Variants in NEGR1 observed in about 807,000 individuals in gnomAD.
The protein encoded by NEGR1 is neuronal growth regulator 1.
Under a neutral mutation model 40.9 loss-of-function variants are expected in NEGR1, and 10 were observed. The ratio of observed to expected loss-of-function variants is 0.24; its 90% CI spans 0.15 to 0.42. The LOEUF (loss-of-function observed/expected upper bound fraction) is 0.42, where lower values mean the gene tolerates loss of function less well. Ranked by LOEUF, NEGR1 falls within the 10% of genes least tolerant of loss-of-function variation. The pLI is 1.00. For synonymous variants in NEGR1, 185 were observed against 166.8 expected (o/e 1.11, Z -0.84); for missense variants, 352 against 438.9 (o/e 0.80, Z 1.77).
intron 1 of NEGR1, among the ~76,000 whole-genome samples, chr1:71,975,647 A>C (rs1300682054): frequency 6.6e-6 from 1 of 152,212 alleles, no homozygotes; most frequent in Non-Finnish European, 1.5e-5. Context: ...CATAATCTGT[A>C]GAGTAAAAAA....
chr1:71,849,364 G>C (rs556123840), intron 2 of NEGR1, among the ~76,000 whole-genome samples: 2 of 152,220 alleles, frequency 1.3e-5, no homozygotes, highest in South Asian at 2.1e-4. Flanking sequence ...AATTGTAAAA[G>C]TACTGGAATT....
intron 1 of NEGR1, among the ~76,000 whole-genome samples, chr1:72,014,764 T>C (rs999092276): frequency 5.3e-5 from 8 of 152,054 alleles, no homozygotes; most frequent in African/African-American, 1.9e-4. Flanking sequence ...TTAAAGGTGG[T>C]TCTTCATTTA....
chr1:71,641,348 C>A (rs2101573597), intron 4 of NEGR1, among the ~76,000 whole-genome samples: 1 of 152,136 alleles, frequency 6.6e-6, no homozygotes, highest in Non-Finnish European at 1.5e-5. Flanking sequence ...AGGTACAGTT[C>A]TATGAACCAC....
At chr1:71,949,204 T>C (rs1408248193) in intron 1 of NEGR1, among the ~76,000 whole-genome samples, 1 of 152,158 alleles carries the variant, frequency 6.6e-6, no homozygotes, top group Non-Finnish European at 1.5e-5. Flanking sequence ...TTTTGTGAGA[T>C]GGACTGAAAT....
At chr1:71,459,239 C>T (rs961531681) in intron 6 of NEGR1, among the ~76,000 whole-genome samples, 11 of 152,104 alleles carry the variant, frequency 7.2e-5, no homozygotes, top group African/African-American at 2.7e-4. Flanking sequence ...AAGATTTTCT[C>T]TTCCATAAAG....
At chr1:71,411,440 T>A (rs536750828) in intron 6 of NEGR1, among the ~76,000 whole-genome samples, 3 of 152,178 alleles carry the variant, frequency 2.0e-5, no homozygotes, top group Non-Finnish European at 4.4e-5. Context: ...CTGAATTACT[T>A]AGAAGATATC....
chr1:72,256,546 C>T (rs768061879), intron 1 of NEGR1, among the ~76,000 whole-genome samples: 1 of 152,156 alleles, frequency 6.6e-6, no homozygotes, highest in Non-Finnish European at 1.5e-5. Context: ...TCACCCTAAC[C>T]ATGTAAGTTC....
chr1:72,213,435 T>TA (rs1264906623), intron 1 of NEGR1, among the ~76,000 whole-genome samples: 11 of 151,946 alleles, frequency 7.2e-5, no homozygotes, highest in Non-Finnish European at 1.0e-4. Flanking sequence ...AAATCTTCAA[T>TA]AAAAAGTTTC....
intron 2 of NEGR1, among the ~76,000 whole-genome samples, chr1:71,833,556 T>A (rs1309974770): frequency 6.6e-6 from 1 of 152,040 alleles, no homozygotes; most frequent in Non-Finnish European, 1.5e-5. Flanking sequence ...ACAAAACAAA[T>A]GACAAATGCA....
chr1:71,833,500 G>C (rs1407272740), intron 2 of NEGR1, among the ~76,000 whole-genome samples: 1 of 152,072 alleles, frequency 6.6e-6, no homozygotes, highest in Non-Finnish European at 1.5e-5. Flanking sequence ...GGGGAAAAAA[G>C]TATTTTTATG....
intron 6 of NEGR1, among the ~76,000 whole-genome samples, chr1:71,416,290 C>G (rs1246075052): frequency 6.6e-6 from 1 of 152,082 alleles, no homozygotes; most frequent in Non-Finnish European, 1.5e-5. Context: ...GTTTCATGAT[C>G]AGGTTTTCTT....
chr1:71,932,288 T>C (rs559583273), intron 2 of NEGR1, among the ~76,000 whole-genome samples: 2 of 151,950 alleles, frequency 1.3e-5, no homozygotes, highest in Non-Finnish European at 2.9e-5. Flanking sequence ...GTTATTTTTT[T>C]ATTTGTTTTG....
chr1:71,669,700 G>C (rs1461616287), intron 4 of NEGR1, among the ~76,000 whole-genome samples: 1 of 152,080 alleles, frequency 6.6e-6, no homozygotes. Context: ...TCCCAGGCTG[G>C]AGTGCAGTGG....
chr1:71,761,803 G>T (rs1655952191), intron 3 of NEGR1, among the ~76,000 whole-genome samples: 2 of 151,828 alleles, frequency 1.3e-5, no homozygotes, highest in Admixed American at 1.3e-4. Flanking sequence ...TAAAAGAACG[G>T]CTATAAAAAA....
chr1:71,421,287 G>A (rs1646392047), intron 6 of NEGR1: 1 of 151,998 alleles, frequency 6.6e-6, no homozygotes, highest in African/African-American at 2.4e-5. Flanking sequence ...TTGCTAAAAG[G>A]TACACATGAA....
At chr1:72,276,428 G>A (rs1656049862) in intron 1 of NEGR1, among the ~76,000 whole-genome samples, 1 of 151,958 alleles carries the variant, frequency 6.6e-6, no homozygotes, top group Non-Finnish European at 1.5e-5. Flanking sequence ...TTTAATCATA[G>A]TTATTTTTGG....
chr1:71,794,605 A>G (rs1657252097), intron 2 of NEGR1: 2 of 151,952 alleles, frequency 1.3e-5, no homozygotes, highest in African/African-American at 4.8e-5. Context: ...AGTTATGCAT[A>G]GATTAAAAGT....
chr1:71,631,249 A>C (rs1307279837), intron 4 of NEGR1, among the ~76,000 whole-genome samples: 1 of 151,156 alleles, frequency 6.6e-6, no homozygotes, highest in Non-Finnish European at 1.5e-5. Context: ...AAATATTATT[A>C]TTTCTTTCTT....
intron 1 of NEGR1, among the ~76,000 whole-genome samples, chr1:72,239,292 ACT>A (rs1369415420): frequency 1.3e-5 from 2 of 151,728 alleles, no homozygotes; most frequent in Admixed American, 6.6e-5. Context: ...AAGGCAATCA[ACT>A]CTCTGCGTCA....
Sources: allele counts gnomAD v4.1 joint callset (sites outside exome capture counted in the v4.1 genomes callset), GRCh38; gene constraint gnomAD v4.1.1; transcripts MANE v1.5; gene names NCBI Gene and HGNC (gene_info 2026-07-23, HGNC 2026-07-21).